Variants in BEND3 observed in about 807,000 individuals in gnomAD.
The protein encoded by BEND3 is BEN domain containing 3.
Under a neutral mutation model 60.1 loss-of-function variants are expected in BEND3, and 13 were observed. The observed-to-expected ratio is 0.22, with a 90% confidence interval of 0.14 to 0.34. BEND3 has a LOEUF of 0.34. Ranked by LOEUF, BEND3 falls within the 10% of genes least tolerant of loss-of-function variation. The pLI is 1.00. For synonymous variants in BEND3, 497 were observed against 491.5 expected (o/e 1.01, Z -0.15); for missense variants, 896 against 1,138.1 (o/e 0.79, Z 3.06).
intron 3 of BEND3, among the ~76,000 whole-genome samples, chr6:107,073,684 C>T (rs1775040106): frequency 6.6e-6 from 1 of 151,690 alleles, no homozygotes; most frequent in Admixed American, 6.6e-5. Context: ...GATCTCAAGC[C>T]CAGGAGTTCA....
rs191051908 is a variant in BEND3, at chr6:107,109,138, T to A, written c.-12+5952A>T. Among the ~76,000 whole-genome samples, 937 of 151,508 alleles carry A rather than the reference T, an allele frequency of 6.2e-3. 13 individuals carry two copies. The highest frequency in any genetic ancestry group is 0.021 in the African/African-American group (874 of 41,330). On this transcript the variant is annotated intron_variant, in intron 1 of 3. Coordinates refer to ENST00000369042, the MANE Select transcript of BEND3 (RefSeq NM_001367314.1). ...CTGACTTTAAATACACGTTTCAACT[T>A]GGATTAAAAATTGGTGGGGGCGGGG...
chr6:107,079,813 T>G (rs1775185895), intron 3 of BEND3, among the ~76,000 whole-genome samples: 1 of 152,116 alleles, frequency 6.6e-6, no homozygotes, highest in African/African-American at 2.4e-5. Flanking sequence ...AACTCGTTTG[T>G]TTTATGGATT....
At chr6:107,095,832 T>C (rs1775574763) in intron 3 of BEND3, among the ~76,000 whole-genome samples, 1 of 152,212 alleles carries the variant, frequency 6.6e-6, no homozygotes, top group Non-Finnish European at 1.5e-5. Context: ...CACGACATTC[T>C]GGAAAAGATA....
intron 3 of BEND3, among the ~76,000 whole-genome samples, chr6:107,090,342 C>T (rs1291852440): frequency 6.6e-6 from 1 of 152,060 alleles, no homozygotes; most frequent in South Asian, 2.1e-4. Flanking sequence ...GAGCAAGACT[C>T]TGTCTCAAGT....
At chr6:107,094,363 C>A (rs1554235657) in intron 3 of BEND3, among the ~76,000 whole-genome samples, 1 of 152,086 alleles carries the variant, frequency 6.6e-6, no homozygotes, top group African/African-American at 2.4e-5. Context: ...TGGCTCATGC[C>A]TGTAATCCCA....
Position 107,114,002 on chromosome 6 carries a change from G to C in BEND3, c.-12+1088C>G, listed in dbSNP as rs142126099. 9.8e-4 allele frequency: 150 copies of C among 152,290 alleles called. 1 individual carries two copies. Among genetic ancestry groups the C allele is most frequent in the African/African-American group, 3.3e-3 (139 of 41,534 alleles). 9.4% of individuals were successfully genotyped at this position (152,290 alleles called of 1,614,324 possible). ...GATGAACTGCACATTTCCAACTCTA[G>C]TGAGTAACCTTGTTCCTCCCGGCAC... On this transcript the variant is annotated intron_variant, in intron 1 of 3. Transcript: ENST00000369042.
chr6:107,088,127 CA>C (rs1775397187), intron 3 of BEND3, among the ~76,000 whole-genome samples: 1 of 151,936 alleles, frequency 6.6e-6, no homozygotes, highest in Admixed American at 6.6e-5. Flanking sequence ...CCTCCTGCCT[CA>C]GCCTCCTAAG....
chr6:107,069,169 T>C lies in BEND3; in HGVS notation c.2022A>G (p.Ala674=). ...GPECRDLTSY[A]INPERFREEF... ...CCTCCCGGAACCTCTCGGGGTTGATTGCATAGCTGGTCAAGTCTCTGCACT... is the reference window on the plus strand; with the variant it reads ...CCTCCCGGAACCTCTCGGGGTTGATCGCATAGCTGGTCAAGTCTCTGCACT... Residue 674 remains alanine (A), a synonymous_variant, in exon 4 of 4, where the codon GCA becomes GCG. Transcript: ENST00000369042. The C allele has an allele frequency of 6.2e-7, 1 of 1,612,574 alleles. No individual in the cohort carries two copies. The highest frequency in any genetic ancestry group is 8.5e-7 in the Non-Finnish European group (1 of 1,180,012).
chr6:107,070,420 C>T lies in BEND3; in HGVS notation c.771G>A (p.Val257=), dbSNP rs782643037. The change falls in exon 4 of 4, where the codon GTG becomes GTA. Residue 257 remains valine, a synonymous_variant. Transcript: ENST00000369042. This position sits in a 1 kb window ranked among gnomAD's most constrained non-coding sequence, Gnocchi z 6.9. Reference sequence around the variant, plus strand: ...GGTCCCCCCCTGACAGGCTCTGGTCCACGATCTGCTTGAGCTCTGCGGCTG... The same window carrying T: ...GGTCCCCCCCTGACAGGCTCTGGTCTACGATCTGCTTGAGCTCTGCGGCTG... ...QLTAAELKQI[V]DQSLSGGDLA... is the part of the protein sequence containing the mutation. The T allele has an allele frequency of 5.0e-6, 8 of 1,613,940 alleles. No individual in the cohort carries two copies. In the East Asian group the frequency reaches 1.6e-4, roughly 31 times the overall value.
At chr6:107,081,589 T>C (rs909300257) in intron 3 of BEND3, among the ~76,000 whole-genome samples, 1 of 152,178 alleles carries the variant, frequency 6.6e-6, no homozygotes, top group African/African-American at 2.4e-5. Context: ...CTGTATCCTA[T>C]CTACTAAAAA....
At chr6:107,092,568 A>C (rs1020986786) in intron 3 of BEND3, among the ~76,000 whole-genome samples, 8 of 152,226 alleles carry the variant, frequency 5.3e-5, no homozygotes, top group Non-Finnish European at 1.2e-4. Flanking sequence ...ATCAGGCACA[A>C]AGCAAGGATG....
chr6:107,070,163 C>T lies in BEND3; in HGVS notation c.1028G>A (p.Arg343Gln), dbSNP rs1334092585. 7 of 1,612,988 alleles carry T rather than the reference C, an allele frequency of 4.3e-6. No individual in the cohort carries two copies. Among genetic ancestry groups the T allele is most frequent in the Admixed American group, 1.7e-5 (1 of 60,022 alleles). The change falls in exon 4 of 4, where the codon CGG becomes CAG. Residue 343 changes from arginine (R) to glutamine (Q), a missense_variant. By Grantham distance (43) the Arg-to-Gln change is conservative. Coordinates refer to ENST00000369042, the MANE Select transcript of BEND3 (RefSeq NM_001367314.1). This position sits in a 1 kb window ranked among gnomAD's most constrained non-coding sequence, Gnocchi z 6.9. Reference sequence around the variant, plus strand: ...GCTGGGCTGGCTGTCCTCCATTTCCCGCTGGGCCCAGAAGCGGCTGAAGAA... The same window carrying T: ...GCTGGGCTGGCTGTCCTCCATTTCCTGCTGGGCCCAGAAGCGGCTGAAGAA... ...NDFFSRFWAQ[R>Q]EMEDSQPSGQ...
At chr6:107,075,091 A>G (rs569817038) in intron 3 of BEND3, among the ~76,000 whole-genome samples, 1 of 151,970 alleles carries the variant, frequency 6.6e-6, no homozygotes, top group Non-Finnish European at 1.5e-5. Flanking sequence ...CTCAAAAAAA[A>G]AAAAGAAGAG....
chr6:107,091,352 A>T (rs561704694), intron 3 of BEND3, among the ~76,000 whole-genome samples: 86 of 150,622 alleles, frequency 5.7e-4, no homozygotes, highest in Non-Finnish European at 9.0e-4. Flanking sequence ...ATCAATAGAT[A>T]AAAAAAAATC....
rs1554231648 is a variant in BEND3, at chr6:107,069,966, C to T, written c.1225G>A (p.Glu409Lys). 1.2e-6 allele frequency: 2 copies of T among 1,613,826 alleles called. No homozygotes were observed. The highest frequency in any genetic ancestry group is 1.7e-6 in the Non-Finnish European group (2 of 1,180,022). ...CGGTGGAGGAGGAAGACGGCAAACT[C>T]GCCTGGTGAGGAGGCTTCGTCCAGG... ...EFLDEASSPG[E>K]FAVFLLHRLF... Residue 409 changes from glutamate (E) to lysine (K), a missense_variant, in exon 4 of 4, where the codon GAG (glutamate) becomes AAG (lysine). Coordinates refer to ENST00000369042, the MANE Select transcript of BEND3 (RefSeq NM_001367314.1).
rs1774862219 is a variant in BEND3, at chr6:107,067,711, A to G, written c.*993T>C. On this transcript the variant is annotated 3_prime_UTR_variant, in exon 4 of 4. Transcript: ENST00000369042. ...AACACTGAGGTCTGGGGAAGTCACCACAAAGCTCCCGGAACCTGGATTTTG... is the reference window on the plus strand; with the variant it reads ...AACACTGAGGTCTGGGGAAGTCACCGCAAAGCTCCCGGAACCTGGATTTTG... 6.6e-6 allele frequency: 1 copy of G among 152,340 alleles called. No individual in the cohort carries two copies. Among genetic ancestry groups the G allele is most frequent in the Admixed American group, 6.5e-5 (1 of 15,280 alleles). 9.4% of individuals were successfully genotyped at this position (152,340 alleles called of 1,614,324 possible).
Position 107,113,448 on chromosome 6 carries a change from A to C in BEND3, c.-12+1642T>G, listed in dbSNP as rs892806419. ...GCGAGACTCCGTCTCAAAAAAAAAA[A>C]AAAAACAAAAAAAAAACTCATGTTC... On this transcript the variant is annotated intron_variant, in intron 1 of 3. Coordinates refer to ENST00000369042, the MANE Select transcript of BEND3 (RefSeq NM_001367314.1). Among the ~76,000 whole-genome samples, 41 of 144,076 alleles carry C rather than the reference A, an allele frequency of 2.8e-4. No homozygotes were observed. In the South Asian group the frequency reaches 8.7e-3, roughly 30 times the overall value. The allele number at this position is 144,076 out of a possible 152,430, so 94.5% of individuals were successfully genotyped here.
At chr6:107,109,960 G>A (rs113836216) in intron 1 of BEND3, among the ~76,000 whole-genome samples, 3 of 151,540 alleles carry the variant, frequency 2.0e-5, no homozygotes, top group Admixed American at 6.6e-5. Context: ...GAGCCCAGGA[G>A]GTTGAAGCTG....
chr6:107,113,454 CAA>C (rs59947146), intron 1 of BEND3, among the ~76,000 whole-genome samples: 1 of 60,560 alleles, frequency 1.7e-5, no homozygotes, highest in East Asian at 5.3e-4. Context: ...AAAAAAAAAA[CAA>C]AAAAAAAACT....
Sources: gnomAD v4.1 joint callset for allele counts (sites outside exome capture counted in the v4.1 genomes callset) on GRCh38, gnomAD v4.1.1 for gene constraint, Gnocchi (gnomAD v3.1) non-coding constraint, MANE v1.5 for transcripts, NCBI Gene and HGNC (gene_info 2026-07-23, HGNC 2026-07-21) for gene names.